Variants in CTNNA3 observed in about 807,000 individuals in gnomAD.
CTNNA3 encodes the protein catenin alpha-3.
CTNNA3 carries 76 observed loss-of-function variants against 95.7 expected under a neutral mutation model. The observed-to-expected ratio is 0.79, with a 90% CI of 0.66 to 0.96. The LOEUF (loss-of-function observed/expected upper bound fraction) is 0.96, where lower values mean the gene tolerates loss of function less well. Ranked by LOEUF, CTNNA3 falls within the 40% of genes least tolerant of loss-of-function variation. The pLI, the probability that CTNNA3 is intolerant of heterozygous loss-of-function variation, is 0.00. For synonymous variants in CTNNA3, 431 were observed against 374.4 expected (o/e 1.15, Z -1.74); for missense variants, 1,191 against 1,089.8 (o/e 1.09, Z -1.31).
chr10:66,701,592 CATATTATTG>C (rs1249980197), intron 9 of CTNNA3, among the ~76,000 whole-genome samples: 14 of 152,070 alleles, frequency 9.2e-5, no homozygotes, highest in African/African-American at 3.4e-4. Context: ...AGACATATTT[CATATTATTG>C]ATATTATTGT....
At chr10:66,192,752 A>G (rs999241601) in intron 13 of CTNNA3, among the ~76,000 whole-genome samples, 1 of 152,108 alleles carries the variant, frequency 6.6e-6, no homozygotes, top group Admixed American at 6.6e-5. Context: ...CTTTCCCAAA[A>G]CATTTTTTTA....
intron 13 of CTNNA3, among the ~76,000 whole-genome samples, chr10:66,211,811 C>G (rs1006649179): frequency 9.2e-5 from 14 of 152,118 alleles, no homozygotes; most frequent in African/African-American, 3.4e-4. Context: ...AACAGAGTTG[C>G]AATCGGAGGG....
At chr10:66,953,224 A>G (rs539973144) in intron 7 of CTNNA3, among the ~76,000 whole-genome samples, 1 of 152,342 alleles carries the variant, frequency 6.6e-6, no homozygotes, top group African/African-American at 2.4e-5. Flanking sequence ...CAACACACAA[A>G]TCAATCCAGC....
intron 3 of CTNNA3, among the ~76,000 whole-genome samples, chr10:67,568,332 G>A (rs185025043): frequency 3.3e-5 from 5 of 151,884 alleles, no homozygotes; most frequent in Admixed American, 3.3e-4. Context: ...TTGGAAAGTG[G>A]CATCCTGGAA....
Position 66,927,334 on chromosome 10 carries a change from C to T in CTNNA3, c.1048-151810G>A, listed in dbSNP as rs147373916. 6.2e-7 allele frequency: 1 copy of T among 1,614,162 alleles called. No individual in the cohort carries two copies. Among genetic ancestry groups the T allele is most frequent in the Admixed American group, 1.7e-5 (1 of 60,028 alleles). ...TGTGACAAATTTACGGAACTTGGAT[C>T]TGTCCTATAATCAGCTGCATTCTCT... On this transcript the variant is annotated intron_variant, in intron 7 of 17. Transcript: ENST00000433211. This position sits in a 1 kb window ranked among gnomAD's most constrained non-coding sequence, Gnocchi z 4.7.
At chr10:66,879,999 T>C (rs1375696269) in intron 7 of CTNNA3, among the ~76,000 whole-genome samples, 1 of 152,038 alleles carries the variant, frequency 6.6e-6, no homozygotes, top group South Asian at 2.1e-4. Flanking sequence ...AGCAAAGAAC[T>C]GATATAAACC....
intron 5 of CTNNA3, among the ~76,000 whole-genome samples, chr10:67,499,672 T>G (rs533482417): frequency 6.6e-6 from 1 of 152,314 alleles, no homozygotes; most frequent in Admixed American, 6.5e-5. Flanking sequence ...AGGGCGTATG[T>G]GTTGAGGAAT....
intron 7 of CTNNA3, among the ~76,000 whole-genome samples, chr10:66,875,454 C>T (rs1406544440): frequency 6.6e-6 from 1 of 151,030 alleles, no homozygotes; most frequent in Non-Finnish European, 1.5e-5. Flanking sequence ...TATCAGTCAA[C>T]CAGTTCCAAA....
chr10:66,124,752 G>A (rs1029383489), intron 13 of CTNNA3, among the ~76,000 whole-genome samples: 85 of 152,274 alleles, frequency 5.6e-4, no homozygotes, highest in African/African-American at 1.9e-3. Flanking sequence ...GACAGCTTGT[G>A]CAGGGAAACT....
At chr10:67,353,063 A>G (rs1842689395) in intron 5 of CTNNA3, among the ~76,000 whole-genome samples, 1 of 152,054 alleles carries the variant, frequency 6.6e-6, no homozygotes, top group African/African-American at 2.4e-5. Flanking sequence ...TTTTATAGCT[A>G]GAAGATCTGG....
intron 3 of CTNNA3, among the ~76,000 whole-genome samples, chr10:67,562,720 G>C (rs1775136460): frequency 1.3e-5 from 2 of 152,140 alleles, no homozygotes; most frequent in South Asian, 2.1e-4. Flanking sequence ...CAGATAACGT[G>C]ATAGTATATC....
intron 7 of CTNNA3, among the ~76,000 whole-genome samples, chr10:66,944,704 A>G (rs751177779): frequency 3.3e-5 from 5 of 152,238 alleles, no homozygotes; most frequent in Non-Finnish European, 7.3e-5. Context: ...AGACAGCAAG[A>G]GACTTATAAA....
At chr10:67,041,854 G>T (rs903312527) in intron 7 of CTNNA3, among the ~76,000 whole-genome samples, 3 of 152,120 alleles carry the variant, frequency 2.0e-5, no homozygotes, top group Non-Finnish European at 4.4e-5. Context: ...GGTTAAGATA[G>T]GAAATAAGGC....
chr10:67,076,707 G>C (rs900145783), intron 7 of CTNNA3, among the ~76,000 whole-genome samples: 3 of 152,060 alleles, frequency 2.0e-5, no homozygotes, highest in African/African-American at 7.2e-5. Context: ...ATGGTACAGG[G>C]GACTGAATTT....
intron 7 of CTNNA3, among the ~76,000 whole-genome samples, chr10:66,901,642 C>A (rs924838099): frequency 6.6e-6 from 1 of 152,122 alleles, no homozygotes; most frequent in Non-Finnish European, 1.5e-5. Context: ...ACCTCATGTG[C>A]AGAGACACAC....
Position 66,186,823 on chromosome 10 carries a change from G to C in CTNNA3, c.1885-83574C>G, listed in dbSNP as rs529957530. On this transcript the variant is annotated intron_variant, in intron 13 of 17. Coordinates refer to ENST00000433211, the MANE Select transcript of CTNNA3 (RefSeq NM_013266.4). Reference sequence around the variant, plus strand: ...ATCTTCTTCTCCATAAAAGCAACAAGAACACTGCAAAAAAAAGGTGAACTT... The same window carrying C: ...ATCTTCTTCTCCATAAAAGCAACAACAACACTGCAAAAAAAAGGTGAACTT... 1.1e-4 allele frequency among the ~76,000 whole-genome samples: 16 copies of C among 151,988 alleles called. No homozygotes were observed. The South Asian group carries it at 3.3e-3, about 32-fold the overall frequency.
intron 5 of CTNNA3, among the ~76,000 whole-genome samples, chr10:67,367,637 T>A (rs922988507): frequency 6.6e-6 from 1 of 152,150 alleles, no homozygotes; most frequent in Non-Finnish European, 1.5e-5. Context: ...ACAGCACTAT[T>A]CACAATAGCA....
intron 12 of CTNNA3, among the ~76,000 whole-genome samples, chr10:66,312,324 C>G (rs925713028): frequency 1.3e-5 from 2 of 152,122 alleles, no homozygotes; most frequent in Non-Finnish European, 2.9e-5. Flanking sequence ...GGGTAGCTAT[C>G]AAGTACATGC....
intron 13 of CTNNA3, among the ~76,000 whole-genome samples, chr10:66,258,757 A>G (rs1256460976): frequency 6.6e-6 from 1 of 152,100 alleles, no homozygotes. Flanking sequence ...TAGCCCTCTT[A>G]GTCTAAGAAA....
Sources: gnomAD v4.1 joint callset for allele counts (sites outside exome capture counted in the v4.1 genomes callset) on GRCh38, gnomAD v4.1.1 for gene constraint, Gnocchi (gnomAD v3.1) non-coding constraint, MANE v1.5 for transcripts, NCBI Gene and HGNC (gene_info 2026-07-23, HGNC 2026-07-21) for gene names.